The following NAA30 variants were observed in gnomAD, a reference collection of about 807,000 sequenced individuals.
The protein encoded by NAA30 is N-alpha-acetyltransferase 30, NatC catalytic subunit, also known as N-alpha-acetyltransferase 30.
Under a neutral mutation model 31.4 loss-of-function variants are expected in NAA30, and 5 were observed. The ratio of observed to expected loss-of-function variants is 0.16; its 90% CI spans 0.08 to 0.33. NAA30 has a LOEUF of 0.33. Among genes scored for constraint, NAA30 ranks in the 10% least tolerant of loss-of-function variants. NAA30 has a pLI of 1.00. For missense variants in NAA30, 428 were observed against 490.8 expected, an observed-to-expected ratio of 0.87 and a Z score of 1.21; for synonymous variants, 222 against 207.1, an observed-to-expected ratio of 1.07 and a Z score of -0.62.
In NAA30 at chr14:57,391,235, G is replaced by C; in HGVS notation, c.278G>C (p.Arg93Pro). The C allele has an allele frequency of 1.2e-6, 2 of 1,612,136 alleles. No individual in the cohort carries two copies. Among genetic ancestry groups the C allele is most frequent in the South Asian group, 2.2e-5 (2 of 91,054 alleles). ...QLNGLISPEL[R>P]HLRAAASLKS... ...AACGGATTGATTAGCCCCGAACTGC[G>C]GCACCTCCGGGCGGCCGCCTCCCTC... is the stretch of plus-strand genomic sequence containing the variant. The change falls in exon 2 of 5, where the codon CGG (arginine) becomes CCG (proline). Residue 93 changes from arginine (R) to proline (P), a missense_variant. Around this residue, in one of 2 missense-constraint regions of NAA30, gnomAD observed 349 missense variants for 310.4 expected, o/e 1.12. Coordinates refer to ENST00000556492, the MANE Select transcript of NAA30 (RefSeq NM_001011713.3). This position sits in a 1 kb window ranked among gnomAD's most constrained non-coding sequence, Gnocchi z 4.1.
In NAA30 at chr14:57,409,376, A is replaced by G; in HGVS notation, c.952-3A>G. The G allele has an allele frequency of 6.3e-7, 1 of 1,590,850 alleles. No individual in the cohort carries two copies. The highest frequency in any genetic ancestry group is 1.2e-5 in the South Asian group (1 of 85,492). ...ACTTAGTTTTTTTCTCATTTCTTTG[A>G]AGGTTGTTTTGGAAACCGAAATAAC... On this transcript the variant is annotated splice_polypyrimidine_tract_variant and splice_region_variant and intron_variant, in intron 4 of 4. Coordinates refer to ENST00000556492, the MANE Select transcript of NAA30 (RefSeq NM_001011713.3).
Position 57,412,004 on chromosome 14 carries a change from C to T in NAA30, c.*2488C>T, listed in dbSNP as rs2066525480. 1 of 152,148 alleles carries T rather than the reference C, an allele frequency of 6.6e-6. No homozygotes were observed. Among genetic ancestry groups the T allele is most frequent in the Admixed American group, 6.5e-5 (1 of 15,274 alleles). The allele number at this position is 152,148 out of a possible 1,614,324, so 9.4% of individuals were successfully genotyped here. ...TCTTTAGGACTGACTGTACTATCCA[C>T]TGACACTGGTTTGGCAGTTGGTACT... On this transcript the variant is annotated 3_prime_UTR_variant, in exon 5 of 5. Coordinates refer to ENST00000556492, the MANE Select transcript of NAA30 (RefSeq NM_001011713.3).
intron 4 of NAA30, among the ~76,000 whole-genome samples, chr14:57,400,433 A>G (rs997518296): frequency 6.6e-6 from 1 of 152,200 alleles, no homozygotes; most frequent in Non-Finnish European, 1.5e-5. Flanking sequence ...GTTTCTACAT[A>G]TAGTAGGTGC....
intron 4 of NAA30, among the ~76,000 whole-genome samples, chr14:57,409,090 G>A (rs1420652226): frequency 2.0e-5 from 3 of 152,084 alleles, no homozygotes; most frequent in Admixed American, 6.5e-5. Context: ...TTTCCCCACA[G>A]GGAAATAATT....
chr14:57,407,733 A>T (rs1444069824), intron 4 of NAA30, among the ~76,000 whole-genome samples: 1 of 152,124 alleles, frequency 6.6e-6, no homozygotes, highest in African/African-American at 2.4e-5. Flanking sequence ...GACAAGAGGG[A>T]ATCAGTAAAC....
Position 57,410,301 on chromosome 14 carries a change from G to C in NAA30, c.*785G>C, listed in dbSNP as rs1299183897. ...AGTCCCTTTTTCCTTACAGTAACAA[G>C]TTGAATCTACTTGGAAAATTGAGAA... On this transcript the variant is annotated 3_prime_UTR_variant, in exon 5 of 5. Coordinates refer to ENST00000556492, the MANE Select transcript of NAA30 (RefSeq NM_001011713.3). 1 of 152,546 alleles carries C rather than the reference G, an allele frequency of 6.6e-6. No individual in the cohort carries two copies. Among genetic ancestry groups the C allele is most frequent in the African/African-American group, 2.4e-5 (1 of 41,432 alleles). 9.4% of individuals were successfully genotyped at this position (152,546 alleles called of 1,614,324 possible).
chr14:57,392,482 A>G (rs934899718), intron 2 of NAA30, among the ~76,000 whole-genome samples: 5 of 152,156 alleles, frequency 3.3e-5, no homozygotes, highest in African/African-American at 9.7e-5. Context: ...TGTGTAGAGT[A>G]TAATTGACAA....
At chr14:57,394,133 A>G (rs977718453) in intron 2 of NAA30, among the ~76,000 whole-genome samples, 2 of 151,782 alleles carry the variant, frequency 1.3e-5, no homozygotes, top group Non-Finnish European at 2.9e-5. Context: ...AAAAAAGGAC[A>G]AATGTGAGAC....
At chr14:57,399,226 T>G (rs1407774137) in intron 3 of NAA30, among the ~76,000 whole-genome samples, 3 of 152,208 alleles carry the variant, frequency 2.0e-5, no homozygotes, top group African/African-American at 7.2e-5. Context: ...ATTTTTTCCC[T>G]TTTAATATAC....
intron 3 of NAA30, 126 bp downstream of exon 3, chr14:57,397,001 G>T: frequency 1.2e-6 from 1 of 863,602 alleles, no homozygotes; most frequent in Admixed American, 3.2e-5. Context: ...AATTAAGGCG[G>T]GTTTTAATTT....
rs887213476 is a variant in NAA30, at chr14:57,412,922, A to G, written c.*3406A>G. On this transcript the variant is annotated 3_prime_UTR_variant, in exon 5 of 5. Coordinates refer to ENST00000556492, the MANE Select transcript of NAA30 (RefSeq NM_001011713.3). ...TGTCATCACTGTTGTGTGTTCTGACAAAGTAAATTTGAAAATAACATGAAC... is the reference window on the plus strand; with the variant it reads ...TGTCATCACTGTTGTGTGTTCTGACGAAGTAAATTTGAAAATAACATGAAC... 2 of 152,242 alleles carry G rather than the reference A, an allele frequency of 1.3e-5. No individual in the cohort carries two copies. The highest frequency in any genetic ancestry group is 4.8e-5 in the African/African-American group (2 of 41,472). 9.4% of individuals were successfully genotyped at this position (152,242 alleles called of 1,614,324 possible).
rs2066426464 is a variant in NAA30, at chr14:57,391,296, G to C, written c.339G>C (p.Ala113=). The change falls in exon 2 of 5, where the codon GCG becomes GCC. Residue 113 remains alanine (A), a synonymous_variant. Transcript: ENST00000556492. The surrounding 1 kb of genome is among the most constrained non-coding windows in gnomAD (Gnocchi z 4.1). Reference sequence around the variant, plus strand: ...TCCTGAGCGTAGCAGAGGTGGCCGCGACCACAGCCACCCCTGACGGAGGCC... The same window carrying C: ...TCCTGAGCGTAGCAGAGGTGGCCGCCACCACAGCCACCCCTGACGGAGGCC... ...SKVLSVAEVA[A]TTATPDGGPR... 1 of 1,610,648 alleles carries C rather than the reference G, an allele frequency of 6.2e-7. No individual in the cohort carries two copies. Among genetic ancestry groups the C allele is most frequent in the East Asian group, 2.2e-5 (1 of 44,848 alleles).
At chr14:57,392,485 A>G (rs2066433776) in intron 2 of NAA30, among the ~76,000 whole-genome samples, 2 of 152,124 alleles carry the variant, frequency 1.3e-5, no homozygotes. Flanking sequence ...GTAGAGTATA[A>G]TTGACAATAA....
At chr14:57,406,080 G>T (rs1211163261) in intron 4 of NAA30, among the ~76,000 whole-genome samples, 1 of 152,026 alleles carries the variant, frequency 6.6e-6, no homozygotes, top group Non-Finnish European at 1.5e-5. Context: ...ACTTTATCCT[G>T]GCATTTTTCT....
chr14:57,400,816 A>G (rs970502602), intron 4 of NAA30, among the ~76,000 whole-genome samples: 2 of 151,894 alleles, frequency 1.3e-5, no homozygotes, highest in African/African-American at 4.8e-5. Context: ...TACCATTCTC[A>G]TGCTTTTCAA....
intron 2 of NAA30, among the ~76,000 whole-genome samples, chr14:57,395,846 A>G (rs1355597469): frequency 1.3e-5 from 2 of 152,230 alleles, no homozygotes; most frequent in East Asian, 3.8e-4. Flanking sequence ...GGTATGGTCT[A>G]AGCAATACCT....
At chr14:57,405,508 T>C (rs887936872) in intron 4 of NAA30, among the ~76,000 whole-genome samples, 1 of 151,894 alleles carries the variant, frequency 6.6e-6, no homozygotes, top group East Asian at 1.9e-4. Context: ...CAGAATACAG[T>C]GGGGTTAGTT....
chr14:57,405,930 AT>A (rs933914997), intron 4 of NAA30, among the ~76,000 whole-genome samples: 4 of 151,408 alleles, frequency 2.6e-5, no homozygotes, highest in South Asian at 2.1e-4. Context: ...TTTCACTGTA[AT>A]TTTTTTTTCT....
rs1387331188 is a variant in NAA30, at chr14:57,414,667, G to C, written c.*5151G>C. The C allele has an allele frequency of 3.3e-5, 5 of 152,206 alleles. No homozygotes were observed. Among genetic ancestry groups the C allele is most frequent in the African/African-American group, 9.7e-5 (4 of 41,446 alleles). 9.4% of individuals were successfully genotyped at this position (152,206 alleles called of 1,614,324 possible). On this transcript the variant is annotated 3_prime_UTR_variant, in exon 5 of 5. Transcript: ENST00000556492. ...GCCAATGTTACTTCTAGAAGAACCAGATTAATTTTTCTGCCTTCCATCACC... is the reference window on the plus strand; with the variant it reads ...GCCAATGTTACTTCTAGAAGAACCACATTAATTTTTCTGCCTTCCATCACC...
Sources: gnomAD v4.1 joint callset for allele counts (sites outside exome capture counted in the v4.1 genomes callset) on GRCh38, gnomAD v4.1.1 for gene constraint, gnomAD v4.1.1 regional missense constraint, Gnocchi (gnomAD v3.1) non-coding constraint, MANE v1.5 for transcripts, NCBI Gene and HGNC (gene_info 2026-07-23, HGNC 2026-07-21) for gene names.